SLC41A2: variants seen among roughly 807,000 people sequenced by gnomAD.
SLC41A2 encodes SLC41A1-like 1.
A neutral mutation model predicts 58.3 loss-of-function variants in SLC41A2; 32 were observed. The ratio of observed to expected loss-of-function variants is 0.55; its 90% CI spans 0.41 to 0.74. The LOEUF is 0.74. SLC41A2 is among the 30% of genes least tolerant of loss of function. The pLI, the probability that SLC41A2 is intolerant of heterozygous loss-of-function variation, is 0.00. For synonymous variants in SLC41A2, 190 were observed against 235.0 expected, an observed-to-expected ratio of 0.81 and a Z score of 1.75; for missense variants, 514 against 680.6, an observed-to-expected ratio of 0.76 and a Z score of 2.72.
intron 2 of SLC41A2, among the ~76,000 whole-genome samples, chr12:104,915,017 C>T (rs1023378758): frequency 5.9e-5 from 9 of 152,180 alleles, no homozygotes; most frequent in Non-Finnish European, 1.0e-4. Flanking sequence ...GAGCTATGAA[C>T]CTGCCGTAAA....
At position 104,890,437 on chromosome 12, in the gene SLC41A2, A is replaced by G. The variant is rs148589189; in HGVS notation, c.736-1260T>C. On this transcript the variant is annotated intron_variant, in intron 4 of 10. Transcript: ENST00000258538. ...GCAGTAAAATTAATTTATAATATAA[A>G]TTCTAGCACTATGATTCCAAGTCCT... 1.6e-3 allele frequency among the ~76,000 whole-genome samples: 237 copies of G among 152,344 alleles called. 3 individuals carry two copies. In the East Asian group the frequency reaches 0.034, roughly 22 times the overall value.
chr12:104,943,067 A>C (rs2047572086), intron 1 of SLC41A2, among the ~76,000 whole-genome samples: 1 of 152,170 alleles, frequency 6.6e-6, no homozygotes, highest in South Asian at 2.1e-4. Flanking sequence ...TAAAATACAC[A>C]CTTGACTTTG....
At chr12:104,861,008 C>G (rs916788360) in intron 8 of SLC41A2, among the ~76,000 whole-genome samples, 2 of 152,094 alleles carry the variant, frequency 1.3e-5, no homozygotes, top group Admixed American at 6.6e-5. Context: ...TAAACAAAAT[C>G]TGAAATATAT....
chr12:104,842,122 G>A (rs1475537614), intron 10 of SLC41A2, among the ~76,000 whole-genome samples: 2 of 152,038 alleles, frequency 1.3e-5, no homozygotes, highest in African/African-American at 4.8e-5. Flanking sequence ...AGTGGTGAAA[G>A]ATTCTTTGTC....
At chr12:104,821,705 G>A (rs892705935) in intron 10 of SLC41A2, among the ~76,000 whole-genome samples, 1 of 152,136 alleles carries the variant, frequency 6.6e-6, no homozygotes, top group Non-Finnish European at 1.5e-5. Flanking sequence ...AATAACAAGG[G>A]AAAACGTAGC....
chr12:104,876,375 CTAAATGCAG>C (rs1276165828), intron 6 of SLC41A2, among the ~76,000 whole-genome samples: 1 of 151,956 alleles, frequency 6.6e-6, no homozygotes, highest in Non-Finnish European at 1.5e-5. Flanking sequence ...TTTCTTCTTT[CTAAATGCAG>C]GTGTTTATCG....
intron 1 of SLC41A2, among the ~76,000 whole-genome samples, chr12:104,944,963 G>A (rs192228660): frequency 9.7e-4 from 147 of 151,654 alleles, no homozygotes; most frequent in African/African-American, 3.2e-3. Flanking sequence ...GTGAGGTCAG[G>A]AGTTCGAGAC....
At chr12:104,936,440 C>T (rs2047275125) in intron 1 of SLC41A2, among the ~76,000 whole-genome samples, 1 of 152,110 alleles carries the variant, frequency 6.6e-6, no homozygotes, top group Non-Finnish European at 1.5e-5. Flanking sequence ...CTGATAAAGA[C>T]ATACCCAAGA....
intron 8 of SLC41A2, among the ~76,000 whole-genome samples, chr12:104,850,776 G>T (rs2042769263): frequency 6.6e-6 from 1 of 152,090 alleles, no homozygotes; most frequent in Non-Finnish European, 1.5e-5. Flanking sequence ...TAAAGCAAAT[G>T]CTTAAGATAA....
rs573683436 is a variant in SLC41A2 at position 104,901,469 on chromosome 12, G to A, written c.664-6124C>T. On this transcript the variant is annotated intron_variant, in intron 3 of 10. Coordinates refer to ENST00000258538, the MANE Select transcript of SLC41A2 (RefSeq NM_001352171.3). ...ACTTTAGAAACAAGTTTTGACTCAA[G>A]TAAGATGGCAAGATAAAGTTGATTT... Among the ~76,000 whole-genome samples the A allele has an allele frequency of 6.6e-5, 10 of 152,122 alleles. 1 individual carries two copies. In the South Asian group the frequency reaches 1.9e-3, roughly 28 times the overall value.
chr12:104,898,314 C>T lies in SLC41A2; in HGVS notation c.664-2969G>A, dbSNP rs186663363. On this transcript the variant is annotated intron_variant, in intron 3 of 10. Coordinates refer to ENST00000258538, the MANE Select transcript of SLC41A2 (RefSeq NM_001352171.3). ...TCCCAAAAGCCTTCTTCTGCATAAA[C>T]AGACGTTACTTATCTGACACTGAGA... Among the ~76,000 whole-genome samples, 51 of 152,176 alleles carry T rather than the reference C, an allele frequency of 3.4e-4. 2 individuals are homozygous for T. The highest frequency in any genetic ancestry group is 2.8e-3 in the Admixed American group (43 of 15,282).
chr12:104,881,411 G>T (rs1399905254), intron 6 of SLC41A2, among the ~76,000 whole-genome samples: 1 of 152,080 alleles, frequency 6.6e-6, no homozygotes, highest in African/African-American at 2.4e-5. Flanking sequence ...GTGATGTTAG[G>T]ATGTCAATTT....
intron 3 of SLC41A2, among the ~76,000 whole-genome samples, chr12:104,899,400 T>C (rs959874305): frequency 1.4e-4 from 21 of 151,976 alleles, no homozygotes; most frequent in African/African-American, 4.8e-4. Context: ...TAACATGTTG[T>C]AGTGACTCTG....
chr12:104,891,833 T>C (rs1190982376), intron 4 of SLC41A2, among the ~76,000 whole-genome samples: 1 of 152,126 alleles, frequency 6.6e-6, no homozygotes, highest in Non-Finnish European at 1.5e-5. Flanking sequence ...AACTGATAAA[T>C]TCAGTAAAAT....
intron 8 of SLC41A2, among the ~76,000 whole-genome samples, chr12:104,855,581 A>T (rs915940209): frequency 3.9e-5 from 6 of 152,322 alleles, no homozygotes; most frequent in African/African-American, 1.4e-4. Flanking sequence ...TGTTAATAAC[A>T]TTCTATTGTA....
chr12:104,931,649 G>A (rs2047057318), intron 1 of SLC41A2: 1 of 152,190 alleles, frequency 6.6e-6, no homozygotes, highest in Admixed American at 6.5e-5. Flanking sequence ...TTTCAGAGGG[G>A]AAGGCCTTTG....
intron 8 of SLC41A2, among the ~76,000 whole-genome samples, chr12:104,854,702 C>A (rs1005359321): frequency 6.6e-6 from 1 of 152,118 alleles, no homozygotes; most frequent in African/African-American, 2.4e-5. Flanking sequence ...CCTCTGGTTA[C>A]AAATGGCTGT....
intron 5 of SLC41A2, among the ~76,000 whole-genome samples, chr12:104,887,245 T>G (rs2044715710): frequency 6.6e-6 from 1 of 152,032 alleles, no homozygotes; most frequent in South Asian, 2.1e-4. Context: ...TAAATATGGC[T>G]ATGGAGAAAA....
At chr12:104,856,567 C>A (rs895576301) in intron 8 of SLC41A2, among the ~76,000 whole-genome samples, 11 of 151,972 alleles carry the variant, frequency 7.2e-5, no homozygotes, top group African/African-American at 2.7e-4. Flanking sequence ...AAAACTTGTG[C>A]ACATTTGTAA....
Sources: gnomAD v4.1 joint callset for allele counts (sites outside exome capture counted in the v4.1 genomes callset) on GRCh38, gnomAD v4.1.1 for gene constraint, MANE v1.5 for transcripts, NCBI Gene and HGNC (gene_info 2026-07-23, HGNC 2026-07-21) for gene names.